CNTNAP2: variants seen among roughly 807,000 people sequenced by gnomAD.
CNTNAP2 encodes contactin associated protein 2.
In CNTNAP2, 98 loss-of-function variants were observed where a neutral mutation model predicts 155.2. That is an observed-to-expected ratio of 0.63 (90% CI 0.54 to 0.75). The LOEUF is 0.75. Ranked by LOEUF, CNTNAP2 falls within the 30% of genes least tolerant of loss-of-function variation. CNTNAP2 has a pLI of 0.00. For missense variants in CNTNAP2, 1,727 were observed against 1,688.1 expected, an observed-to-expected ratio of 1.02 and a Z score of -0.40; for synonymous variants, 651 against 631.2, an observed-to-expected ratio of 1.03 and a Z score of -0.47.
At chr7:146,182,524 G>T (rs1349704790) in intron 1 of CNTNAP2, among the ~76,000 whole-genome samples, 3 of 152,144 alleles carry the variant, frequency 2.0e-5, no homozygotes, top group Non-Finnish European at 4.4e-5. Flanking sequence ...CAGCAAAAGG[G>T]ATCCTCTCAT....
chr7:146,249,119 T>C (rs896350626), intron 1 of CNTNAP2, among the ~76,000 whole-genome samples: 3 of 152,026 alleles, frequency 2.0e-5, no homozygotes, highest in African/African-American at 7.2e-5. Flanking sequence ...CATTTTCACT[T>C]CTTTTGTGGT....
At chr7:147,510,167 G>C (rs576915161) in intron 11 of CNTNAP2, among the ~76,000 whole-genome samples, 3 of 152,086 alleles carry the variant, frequency 2.0e-5, no homozygotes, top group African/African-American at 7.2e-5. Flanking sequence ...CTTTCTATCT[G>C]ATCAGAAGAT....
chr7:147,147,233 AT>A (rs1459031402), intron 8 of CNTNAP2, among the ~76,000 whole-genome samples: 2 of 152,132 alleles, frequency 1.3e-5, no homozygotes, highest in African/African-American at 2.4e-5. Context: ...CCAGAACAGC[AT>A]GAGGGAAACT....
intron 4 of CNTNAP2, among the ~76,000 whole-genome samples, chr7:147,048,509 A>G (rs192654191): frequency 2.3e-4 from 35 of 152,308 alleles, no homozygotes; most frequent in Non-Finnish European, 1.9e-4. Context: ...CTGTTATAGC[A>G]ACAACATGAA....
intron 1 of CNTNAP2, among the ~76,000 whole-genome samples, chr7:146,249,157 G>A (rs550863944): frequency 1.3e-5 from 2 of 152,092 alleles, no homozygotes; most frequent in African/African-American, 2.4e-5. Flanking sequence ...GGCAGGAACC[G>A]GCCATCTGGA....
chr7:147,865,160 C>A (rs111596236), intron 13 of CNTNAP2, among the ~76,000 whole-genome samples: 1 of 152,078 alleles, frequency 6.6e-6, no homozygotes, highest in Non-Finnish European at 1.5e-5. Flanking sequence ...TTGTCAAAGG[C>A]CTTTTCTGCA....
At chr7:147,751,653 G>A (rs1002164826) in intron 13 of CNTNAP2, among the ~76,000 whole-genome samples, 1 of 152,222 alleles carries the variant, frequency 6.6e-6, no homozygotes, top group African/African-American at 2.4e-5. Context: ...CTACACAATA[G>A]CTGAGTATGT....
At chr7:148,404,776 A>G (rs1035335146) in intron 22 of CNTNAP2, among the ~76,000 whole-genome samples, 1 of 152,170 alleles carries the variant, frequency 6.6e-6, no homozygotes, top group Non-Finnish European at 1.5e-5. Flanking sequence ...TGAGTGATGG[A>G]GGTGGCTCTC....
chr7:147,512,126 C>A (rs1394076826), intron 11 of CNTNAP2, among the ~76,000 whole-genome samples: 2 of 152,056 alleles, frequency 1.3e-5, no homozygotes, highest in Non-Finnish European at 2.9e-5. Context: ...TGGGATCCCA[C>A]CTAATGCACT....
At chr7:146,398,906 A>T (rs1795673433) in intron 1 of CNTNAP2, among the ~76,000 whole-genome samples, 1 of 152,026 alleles carries the variant, frequency 6.6e-6, no homozygotes, top group Non-Finnish European at 1.5e-5. Context: ...TTAATAAAAA[A>T]TATATGGATT....
At chr7:147,105,810 G>A (rs529351704) in intron 4 of CNTNAP2, among the ~76,000 whole-genome samples, 9 of 151,952 alleles carry the variant, frequency 5.9e-5, no homozygotes, top group Non-Finnish European at 1.2e-4. Flanking sequence ...TTTCTTTGTA[G>A]GGAATCTAGG....
intron 12 of CNTNAP2, among the ~76,000 whole-genome samples, chr7:147,634,110 A>G (rs577263447): frequency 6.6e-5 from 10 of 152,318 alleles, no homozygotes; most frequent in African/African-American, 2.4e-4. Context: ...CTGGGTATCT[A>G]CCCAGAGGAA....
At chr7:146,858,138 C>T (rs1017327588) in intron 3 of CNTNAP2, among the ~76,000 whole-genome samples, 1 of 152,128 alleles carries the variant, frequency 6.6e-6, no homozygotes, top group African/African-American at 2.4e-5. Context: ...GAAAAATCTG[C>T]TAAGATCTAC....
chr7:146,859,587 G>A (rs1234255761), intron 3 of CNTNAP2, among the ~76,000 whole-genome samples: 1 of 151,986 alleles, frequency 6.6e-6, no homozygotes, highest in Non-Finnish European at 1.5e-5. Context: ...AACGCAGGAG[G>A]CAGAAGTTGC....
chr7:146,492,074 G>A (rs1052856509), intron 1 of CNTNAP2, among the ~76,000 whole-genome samples: 1 of 152,086 alleles, frequency 6.6e-6, no homozygotes, highest in Non-Finnish European at 1.5e-5. Context: ...AATGTCTCTA[G>A]AAAGATGGTG....
intron 3 of CNTNAP2, among the ~76,000 whole-genome samples, chr7:147,038,010 C>T (rs1799189215): frequency 6.6e-6 from 1 of 152,086 alleles, no homozygotes; most frequent in Admixed American, 6.5e-5. Context: ...GTGGAAAAAT[C>T]ACAATCTATT....
intron 8 of CNTNAP2, among the ~76,000 whole-genome samples, chr7:147,209,961 T>G (rs140469995): frequency 1.6e-3 from 240 of 152,162 alleles, no homozygotes; most frequent in African/African-American, 5.5e-3. Context: ...ATTAACTTTT[T>G]GATGTGCTGC....
At chr7:148,074,657 C>T (rs1803447623) in intron 15 of CNTNAP2, among the ~76,000 whole-genome samples, 1 of 150,776 alleles carries the variant, frequency 6.6e-6, no homozygotes, top group Non-Finnish European at 1.5e-5. Context: ...CACTGCACTC[C>T]AGCCGGGGCA....
chr7:147,882,801 G>A (rs573046011), intron 13 of CNTNAP2, among the ~76,000 whole-genome samples: 20 of 151,458 alleles, frequency 1.3e-4, no homozygotes, highest in Non-Finnish European at 2.2e-4. Context: ...TCCAATAAGT[G>A]GATTTCCCAG....
Sources: allele counts gnomAD v4.1 joint callset (sites outside exome capture counted in the v4.1 genomes callset), GRCh38; gene constraint gnomAD v4.1.1; transcripts MANE v1.5; gene names NCBI Gene and HGNC (gene_info 2026-07-23, HGNC 2026-07-21).